Variants in MAFK observed in about 807,000 individuals in gnomAD.
MAFK encodes the protein MAF bZIP transcription factor K.
In MAFK, 1 loss-of-function variant was observed where a neutral mutation model predicts 9.2. That is an observed-to-expected ratio of 0.11 (90% confidence interval 0.04 to 0.52). The LOEUF is 0.52. Among genes scored for constraint, MAFK ranks in the 20% least tolerant of loss-of-function variants. MAFK has a pLI of 0.94. For missense variants in MAFK, 207 were observed against 236.0 expected, an observed-to-expected ratio of 0.88 and a Z score of 0.81; for synonymous variants, 110 against 107.4, an observed-to-expected ratio of 1.02 and a Z score of -0.15.
intron 1 of MAFK, among the ~76,000 whole-genome samples, chr7:1,535,509 T>G (rs1426751465): frequency 6.6e-6 from 1 of 152,142 alleles, no homozygotes; most frequent in South Asian, 2.1e-4. Context: ...TTTAAAATTC[T>G]CTGGGTGTGG....
intron 1 of MAFK, among the ~76,000 whole-genome samples, chr7:1,535,507 T>G (rs1045150563): frequency 6.6e-6 from 1 of 152,070 alleles, no homozygotes; most frequent in African/African-American, 2.4e-5. Context: ...AGTTTAAAAT[T>G]CTCTGGGTGT....
Position 1,542,206 on chromosome 7 carries a change from G to T in MAFK, c.*1831G>T, listed in dbSNP as rs966881315. 2 of 152,518 alleles carry T rather than the reference G, an allele frequency of 1.3e-5. No individual in the cohort carries two copies. The highest frequency in any genetic ancestry group is 6.5e-5 in the Admixed American group (1 of 15,288). 9.4% of individuals were successfully genotyped at this position (152,518 alleles called of 1,614,324 possible). ...TATTGGATGTCATAAGGACCAGGGG[G>T]ATATTTAAAGAGAGAAACAGAAAAT... On this transcript the variant is annotated 3_prime_UTR_variant, in exon 3 of 3. Coordinates refer to ENST00000343242, the MANE Select transcript of MAFK (RefSeq NM_002360.4).
At chr7:1,538,105 G>A (rs1002885237) in intron 1 of MAFK, 3 of 213,164 alleles carry the variant, frequency 1.4e-5, no homozygotes, top group Admixed American at 1.3e-4. Context: ...TCAGGATCGC[G>A]TTTGGGCTTC....
Position 1,534,760 on chromosome 7 carries a change from G to T in MAFK, c.-45+3862G>T, listed in dbSNP as rs570392522. 2 of 407,798 alleles carry T rather than the reference G, an allele frequency of 4.9e-6. No homozygotes were observed. The highest frequency in any genetic ancestry group is 5.1e-6 in the Non-Finnish European group (1 of 197,444). 25.3% of individuals were successfully genotyped at this position (407,798 alleles called of 1,614,324 possible). On this transcript the variant is annotated intron_variant, in intron 1 of 2. Transcript: ENST00000343242. The surrounding 1 kb of genome is among the most constrained non-coding windows in gnomAD (Gnocchi z 4.3). ...AGCCCCCATGCTGGCCTCGTAGAGC[G>T]AGCGGCAGCCCCGATGCGTCCTCTC...
intron 1 of MAFK, among the ~76,000 whole-genome samples, chr7:1,533,784 C>G (rs753667360): frequency 6.8e-6 from 1 of 147,288 alleles, no homozygotes; most frequent in Non-Finnish European, 1.5e-5. Flanking sequence ...GTGAATGATG[C>G]GGTTGGGGGC....
intron 1 of MAFK, chr7:1,538,903 A>C: frequency 2.3e-6 from 1 of 427,684 alleles, no homozygotes; most frequent in African/African-American, 2.1e-5. Context: ...GGAGTGTGCT[A>C]GAGTGTGAGG....
chr7:1,538,810 C>T (rs975318776), intron 1 of MAFK: 10 of 256,640 alleles, frequency 3.9e-5, no homozygotes, highest in African/African-American at 1.2e-4. Context: ...CCCACAGTGC[C>T]GGCGGCTGCA....
Position 1,540,187 on chromosome 7 carries a change from C to A in MAFK, c.283C>A (p.Arg95Ser), listed in dbSNP as rs752326077. 6.3e-7 allele frequency: 1 copy of A among 1,581,338 alleles called. No homozygotes were observed. Among genetic ancestry groups the A allele is most frequent in the East Asian group, 2.3e-5 (1 of 42,866 alleles). ...GCAGCAGGAGGTGGAGAAGCTGGCG[C>A]GTGAGAACAGCAGCATGCGGCTGGA... is the stretch of plus-strand genomic sequence containing the variant. ...ELQQEVEKLA[R>S]ENSSMRLELD... is the part of the protein sequence containing the mutation. Residue 95 changes from arginine to serine, a missense_variant, in exon 3 of 3, where the codon CGT becomes AGT. Physicochemically the swap from Arg to Ser is moderately radical, Grantham distance 110. Transcript: ENST00000343242.
In MAFK at chr7:1,540,119, G is replaced by T; in HGVS notation, c.215G>T (p.Arg72Leu). ...RGYAASCRIK[R>L]VTQKEELERQ... is the part of the protein sequence containing the mutation. ...TACGCGGCCAGCTGCCGCATCAAGC[G>T]GGTGACGCAGAAGGAGGAGCTGGAG... The change falls in exon 3 of 3, where the codon CGG becomes CTG. Residue 72 changes from arginine (R) to leucine (L), a missense_variant. Physicochemically the swap from Arg to Leu is moderately radical, Grantham distance 102. Coordinates refer to ENST00000343242, the MANE Select transcript of MAFK (RefSeq NM_002360.4). 1 of 1,573,870 alleles carries T rather than the reference G, an allele frequency of 6.4e-7. No homozygotes were observed. The highest frequency in any genetic ancestry group is 2.3e-5 in the East Asian group (1 of 42,930).
intron 1 of MAFK, among the ~76,000 whole-genome samples, chr7:1,535,082 A>ATCCTTTTTTT: frequency 1.5e-5 from 1 of 67,864 alleles, no homozygotes; most frequent in Non-Finnish European, 2.9e-5. Context: ...GCTATTTAAA[A>ATCCTTTTTTT]TTCTTTTTTT....
intron 1 of MAFK, among the ~76,000 whole-genome samples, chr7:1,533,524 C>T (rs949624113): frequency 1.3e-5 from 2 of 152,078 alleles, no homozygotes; most frequent in South Asian, 2.1e-4. Flanking sequence ...AAACCTGAAA[C>T]GGCATTGGGG....
rs1298592137 is a variant in MAFK, at chr7:1,542,110, G to A, written c.*1735G>A. The A allele has an allele frequency of 1.3e-5, 2 of 152,308 alleles. No homozygotes were observed. The highest frequency in any genetic ancestry group is 3.8e-4 in the East Asian group (2 of 5,196). 9.4% of individuals were successfully genotyped at this position (152,308 alleles called of 1,614,324 possible). A position where few individuals can be genotyped will look rare whatever the true frequency, so the allele number is the denominator to read the frequency against. ...AAGCTGCAGGCCCGCCAGGACCACT[G>A]GGTCCCTACAGAGCAAAGGCCTGCG... On this transcript the variant is annotated 3_prime_UTR_variant, in exon 3 of 3. Coordinates refer to ENST00000343242, the MANE Select transcript of MAFK (RefSeq NM_002360.4).
rs932575345 is a variant in MAFK, at chr7:1,542,637, T to G, written c.*2262T>G. 2.6e-5 allele frequency: 4 copies of G among 152,308 alleles called. No homozygotes were observed. The highest frequency in any genetic ancestry group is 9.6e-5 in the African/African-American group (4 of 41,460). The allele number at this position is 152,308 out of a possible 1,614,324, so 9.4% of individuals were successfully genotyped here. On this transcript the variant is annotated 3_prime_UTR_variant, in exon 3 of 3. Transcript: ENST00000343242. ...GGTGTGTTCTGCTTTTCTTTTCAGA[T>G]TGTTGAAATTTCATTGTCATGATTT... is the stretch of plus-strand genomic sequence containing the variant.
At position 1,534,063 on chromosome 7, in the gene MAFK, A is replaced by T. The variant is rs1386501227; in HGVS notation, c.-45+3165A>T. 2 of 363,660 alleles carry T rather than the reference A, an allele frequency of 5.5e-6. No homozygotes were observed. The highest frequency in any genetic ancestry group is 1.5e-4 in the East Asian group (2 of 13,342). 22.5% of individuals were successfully genotyped at this position (363,660 alleles called of 1,614,324 possible). A position where few individuals can be genotyped will look rare whatever the true frequency, so the allele number is the denominator to read the frequency against. ...CAGACTGCAAATGCAAGGTGACCAG[A>T]CGTCCTCCAAGCCGGGCCGACAGTC... On this transcript the variant is annotated intron_variant, in intron 1 of 2. Coordinates refer to ENST00000343242, the MANE Select transcript of MAFK (RefSeq NM_002360.4). This position sits in a 1 kb window ranked among gnomAD's most constrained non-coding sequence, Gnocchi z 4.3.
intron 1 of MAFK, among the ~76,000 whole-genome samples, chr7:1,535,452 C>T (rs374210028): frequency 1.6e-4 from 25 of 152,268 alleles, no homozygotes; most frequent in African/African-American, 6.0e-4. Context: ...TCCAGGAGCT[C>T]GAGACCAGCC....
At chr7:1,533,265 T>C (rs1783944741) in intron 1 of MAFK, among the ~76,000 whole-genome samples, 1 of 152,176 alleles carries the variant, frequency 6.6e-6, no homozygotes, top group Non-Finnish European at 1.5e-5. Flanking sequence ...GGGTGGAGAC[T>C]GCCCTCTCCC....
Position 1,534,808 on chromosome 7 carries a change from A to G in MAFK, c.-45+3910A>G. 2.8e-6 allele frequency: 1 copy of G among 357,410 alleles called. No homozygotes were observed. Among genetic ancestry groups the G allele is most frequent in the South Asian group, 2.0e-5 (1 of 49,276 alleles). 22.1% of individuals were successfully genotyped at this position (357,410 alleles called of 1,614,324 possible). A position where few individuals can be genotyped will look rare whatever the true frequency, so the allele number is the denominator to read the frequency against. On this transcript the variant is annotated intron_variant, in intron 1 of 2. Transcript: ENST00000343242. The surrounding 1 kb of genome is among the most constrained non-coding windows in gnomAD (Gnocchi z 4.3). ...CTCATCTGGGAAGAATCAGAGCCCC[A>G]AAGCTGAAATCCCCGTTTCTCTATG... is the stretch of plus-strand genomic sequence containing the variant.
Position 1,532,759 on chromosome 7 carries a change from C to G in MAFK, c.-45+1861C>G, listed in dbSNP as rs1461027019. ...TACAGTCTCTGGCAAAGCTGTTTGC[C>G]ACCCAGACGGAGAAGAAGTTGTGCC... On this transcript the variant is annotated intron_variant, in intron 1 of 2. Coordinates refer to ENST00000343242, the MANE Select transcript of MAFK (RefSeq NM_002360.4). This position sits in a 1 kb window ranked among gnomAD's most constrained non-coding sequence, Gnocchi z 4.5. 6.6e-6 allele frequency among the ~76,000 whole-genome samples: 1 copy of G among 152,212 alleles called. No homozygotes were observed. The highest frequency in any genetic ancestry group is 1.5e-5 in the Non-Finnish European group (1 of 68,036).
intron 1 of MAFK, among the ~76,000 whole-genome samples, chr7:1,533,449 C>G (rs953047984): frequency 6.6e-6 from 1 of 152,166 alleles, no homozygotes; most frequent in Non-Finnish European, 1.5e-5. Flanking sequence ...AGGAGGAGAG[C>G]AGTGGGGAGT....
Sources: gnomAD v4.1 joint callset for allele counts (sites outside exome capture counted in the v4.1 genomes callset) on GRCh38, gnomAD v4.1.1 for gene constraint, Gnocchi (gnomAD v3.1) non-coding constraint, MANE v1.5 for transcripts, NCBI Gene and HGNC (gene_info 2026-07-23, HGNC 2026-07-21) for gene names.